The following MYCBP2 variants were observed in gnomAD, a reference collection of about 807,000 sequenced individuals.
MYCBP2 encodes the protein MYC binding protein 2, also known as E3 ubiquitin-protein ligase MYCBP2.
Under a neutral mutation model 525.3 loss-of-function variants are expected in MYCBP2, and 120 were observed. The observed-to-expected ratio is 0.23, with a 90% CI of 0.20 to 0.27. MYCBP2 has a LOEUF of 0.27. MYCBP2 is among the 10% of genes least tolerant of loss of function. The probability of loss-of-function intolerance (pLI) is 1.00; values close to 1 mark genes in which losing one functional copy is unlikely to be tolerated. For missense variants in MYCBP2, 4,149 were observed against 5,657.1 expected, an observed-to-expected ratio of 0.73 and a Z score of 8.55; for synonymous variants, 1,894 against 1,955.8, an observed-to-expected ratio of 0.97 and a Z score of 0.83.
chr13:77,127,095 T>C (rs944161857), intron 52 of MYCBP2, among the ~76,000 whole-genome samples: 1 of 152,034 alleles, frequency 6.6e-6, no homozygotes, highest in Non-Finnish European at 1.5e-5. Context: ...TTGTTAGTTA[T>C]GAATGAAATA....
chr13:77,202,125 A>G (rs1274840846), intron 26 of MYCBP2, among the ~76,000 whole-genome samples: 1 of 152,228 alleles, frequency 6.6e-6, no homozygotes, highest in Non-Finnish European at 1.5e-5. Flanking sequence ...AAGGATCAAC[A>G]AAATTGATAG....
chr13:77,112,024 T>C (rs762853788), intron 55 of MYCBP2, among the ~76,000 whole-genome samples: 3 of 152,148 alleles, frequency 2.0e-5, no homozygotes, highest in African/African-American at 4.8e-5. Flanking sequence ...GGGATAAAAG[T>C]TGATTCCCAT....
At chr13:77,068,399 T>A (rs1045939378) in intron 70 of MYCBP2, among the ~76,000 whole-genome samples, 166 bp downstream of exon 70, 2 of 126,374 alleles carry the variant, frequency 1.6e-5, no homozygotes, top group African/African-American at 3.4e-5. Context: ...ATACTCTCAC[T>A]ATAAACAGTA....
chr13:77,282,914 T>C (rs938858979), intron 3 of MYCBP2, among the ~76,000 whole-genome samples: 3 of 152,158 alleles, frequency 2.0e-5, no homozygotes, highest in African/African-American at 7.2e-5. Context: ...ACATTTCCTA[T>C]ATTCAAAACA....
Position 77,185,871 on chromosome 13 carries a change from C to T in MYCBP2, c.4444G>A (p.Ala1482Thr). 6.4e-7 allele frequency: 1 copy of T among 1,571,780 alleles called. No individual in the cohort carries two copies. Among genetic ancestry groups the T allele is most frequent in the South Asian group, 1.2e-5 (1 of 83,218 alleles). The change falls in exon 31 of 83, where the codon GCT becomes ACT. Residue 1482 changes from alanine (A) to threonine (T), a missense_variant and splice_region_variant. This residue lies in a region of MYCBP2 where 292 missense variants were observed against 330.5 expected (regional missense o/e 0.88). Transcript: ENST00000544440. The part of the protein sequence containing the change: ...VYTCEIYPVS[A>T]TGKAVVEETS... ...GTCATTTAAAAAAAATGCATCATAC[C>T]TGACACTGGGTAAATTTCACAGGTA... is the stretch of plus-strand genomic sequence containing the variant.
chr13:77,045,319 C>A lies in MYCBP2; in HGVS notation c.*59G>T. On this transcript the variant is annotated 3_prime_UTR_variant, in exon 83 of 83. Transcript: ENST00000544440. ...ATCCTGAGCAGAGTTTAAACTTCAC[C>A]GCATCCTCTTGGGGGATGAAGGCAA... The A allele has an allele frequency of 8.5e-7, 1 of 1,176,208 alleles. No homozygotes were observed. The highest frequency in any genetic ancestry group is 1.3e-6 in the Non-Finnish European group (1 of 791,026). 72.9% of individuals were successfully genotyped at this position (1,176,208 alleles called of 1,614,324 possible). A position where few individuals can be genotyped will look rare whatever the true frequency, so the allele number is the denominator to read the frequency against.
intron 41 of MYCBP2, among the ~76,000 whole-genome samples, chr13:77,165,996 T>G (rs2058477715): frequency 6.6e-6 from 1 of 152,144 alleles, no homozygotes; most frequent in South Asian, 2.1e-4. Context: ...ATTTAGCACT[T>G]CCTGGGAAAA....
intron 55 of MYCBP2, among the ~76,000 whole-genome samples, chr13:77,109,273 G>A (rs779583627): frequency 1.3e-5 from 2 of 152,140 alleles, no homozygotes; most frequent in Non-Finnish European, 2.9e-5. Context: ...CTCCACCTCA[G>A]ATCATCAGGC....
At chr13:77,194,113 G>C (rs1566879903) in intron 27 of MYCBP2, 40 bp downstream of exon 27, 8 of 1,277,526 alleles carry the variant, frequency 6.3e-6, no homozygotes, top group South Asian at 1.4e-5. Flanking sequence ...TTAATATTAA[G>C]TATGCAAGAG....
chr13:77,107,451 A>AC (rs1455333842), intron 55 of MYCBP2, among the ~76,000 whole-genome samples: 5 of 152,290 alleles, frequency 3.3e-5, no homozygotes, highest in Admixed American at 6.5e-5. Context: ...TCAGAAAGTG[A>AC]CAGGACTAGG....
At chr13:77,215,476 A>ATTTTT (rs2064691551) in intron 21 of MYCBP2, among the ~76,000 whole-genome samples, 1 of 152,218 alleles carries the variant, frequency 6.6e-6, no homozygotes, top group South Asian at 2.1e-4. Context: ...ATATATTGAT[A>ATTTTT]TTGTTGAGAG....
intron 15 of MYCBP2, among the ~76,000 whole-genome samples, chr13:77,244,559 A>G (rs889065694): frequency 9.2e-5 from 14 of 152,194 alleles, no homozygotes; most frequent in Admixed American, 9.2e-4. Flanking sequence ...GACTATAAAA[A>G]CCCTGGAAGA....
At chr13:77,209,749 G>A (rs1412790159) in intron 23 of MYCBP2, among the ~76,000 whole-genome samples, 1 of 152,152 alleles carries the variant, frequency 6.6e-6, no homozygotes, top group African/African-American at 2.4e-5. Context: ...TGGCCACTAC[G>A]CCTTCTCATA....
chr13:77,205,702 G>T, intron 24 of MYCBP2, 104 bp from the exon 25 acceptor site: 2 of 935,058 alleles, frequency 2.1e-6, no homozygotes, highest in Non-Finnish European at 3.1e-6. Context: ...AATAAACTCA[G>T]AATGTTACTC....
At chr13:77,134,018 C>T (rs1421616935) in intron 52 of MYCBP2, among the ~76,000 whole-genome samples, 3 of 151,960 alleles carry the variant, frequency 2.0e-5, no homozygotes, top group Non-Finnish European at 4.4e-5. Flanking sequence ...AACAAGAATG[C>T]AAATAAGAAT....
intron 23 of MYCBP2, among the ~76,000 whole-genome samples, chr13:77,208,741 C>T (rs912683345): frequency 3.9e-5 from 6 of 152,036 alleles, no homozygotes; most frequent in African/African-American, 1.4e-4. Context: ...GGAAAAGAAA[C>T]AGATACAGAG....
chr13:77,285,365 T>A (rs1185795309), intron 3 of MYCBP2, among the ~76,000 whole-genome samples: 3 of 152,208 alleles, frequency 2.0e-5, no homozygotes, highest in Non-Finnish European at 4.4e-5. Context: ...CAGCCCTACG[T>A]CCTAACTCAA....
intron 26 of MYCBP2, among the ~76,000 whole-genome samples, chr13:77,195,744 CCTT>C (rs2061695108): frequency 6.6e-6 from 1 of 152,174 alleles, no homozygotes; most frequent in Admixed American, 6.5e-5. Flanking sequence ...TCCATTCTCT[CCTT>C]CTTCTAACCC....
intron 26 of MYCBP2, among the ~76,000 whole-genome samples, chr13:77,195,648 T>G (rs773550401): frequency 2.0e-5 from 3 of 152,180 alleles, no homozygotes; most frequent in Non-Finnish European, 4.4e-5. Context: ...TTACTGTATC[T>G]ATTCTCTTAC....
Sources: allele counts gnomAD v4.1 joint callset (sites outside exome capture counted in the v4.1 genomes callset), GRCh38; gene constraint gnomAD v4.1.1; regional missense constraint gnomAD v4.1.1; transcripts MANE v1.5; gene names NCBI Gene and HGNC (gene_info 2026-07-23, HGNC 2026-07-21).